Variants in KMO observed in about 807,000 individuals in gnomAD.
KMO encodes the protein kynurenine 3-monooxygenase.
A neutral mutation model predicts 57.8 loss-of-function variants in KMO; 24 were observed. The observed-to-expected ratio is 0.42, with a 90% confidence interval of 0.30 to 0.58. The LOEUF (loss-of-function observed/expected upper bound fraction) is 0.58, where lower values mean the gene tolerates loss of function less well. KMO is among the 20% of genes least tolerant of loss of function. KMO has a pLI of 0.22. For synonymous variants in KMO, 210 were observed against 193.6 expected (o/e 1.08, Z -0.70); for missense variants, 483 against 588.2 (o/e 0.82, Z 1.85).
intron 10 of KMO, among the ~76,000 whole-genome samples, chr1:241,583,213 A>G (rs887320223): frequency 6.6e-6 from 1 of 151,774 alleles, no homozygotes; most frequent in African/African-American, 2.4e-5. Context: ...TCCTGTGGCC[A>G]CCACAGCTGG....
At chr1:241,556,656 G>A (rs1661636708) in intron 5 of KMO, among the ~76,000 whole-genome samples, 1 of 152,096 alleles carries the variant, frequency 6.6e-6, no homozygotes, top group South Asian at 2.1e-4. Flanking sequence ...GAGGCAGGCG[G>A]ATCACAAGGT....
In KMO at chr1:241,544,311, T is replaced by A. The variant is rs141761080; in HGVS notation, c.55-4518T>A. On this transcript the variant is annotated intron_variant, in intron 1 of 14. Transcript: ENST00000366559. Reference sequence around the variant, plus strand: ...TTGTGGTTAACGGTAAAAACCGTGATTCCTTTTGCACCAATCTAATAAATG... The same window carrying A: ...TTGTGGTTAACGGTAAAAACCGTGAATCCTTTTGCACCAATCTAATAAATG... Among the ~76,000 whole-genome samples, 445 of 152,326 alleles carry A rather than the reference T, an allele frequency of 2.9e-3. 3 individuals carry two copies. Among genetic ancestry groups the A allele is most frequent in the African/African-American group, 0.01 (427 of 41,586 alleles).
intron 10 of KMO, among the ~76,000 whole-genome samples, chr1:241,580,903 T>C (rs1662723897): frequency 6.6e-6 from 1 of 151,270 alleles, no homozygotes; most frequent in South Asian, 2.1e-4. Flanking sequence ...GTCTTGATGA[T>C]CTGTCCAAAG....
At chr1:241,558,869 T>A (rs575455555) in intron 5 of KMO, among the ~76,000 whole-genome samples, 2 of 151,936 alleles carry the variant, frequency 1.3e-5, no homozygotes, top group East Asian at 3.9e-4. Context: ...TCCCAGCACT[T>A]TGGGAGGCCG....
chr1:241,564,825 G>T (rs1009951931), intron 7 of KMO, among the ~76,000 whole-genome samples, 162 bp from the exon 8 acceptor site: 1 of 152,054 alleles, frequency 6.6e-6, no homozygotes, highest in African/African-American at 2.4e-5. Flanking sequence ...AGAACACAAA[G>T]TGTTTTCTAA....
At chr1:241,551,378 A>G (rs999908795) in intron 4 of KMO, among the ~76,000 whole-genome samples, 6 of 152,190 alleles carry the variant, frequency 3.9e-5, no homozygotes, top group African/African-American at 1.4e-4. Context: ...TTTGTCGTCA[A>G]GCATAATGTA....
intron 1 of KMO, among the ~76,000 whole-genome samples, chr1:241,543,579 C>T (rs556095184): frequency 6.6e-6 from 1 of 152,274 alleles, no homozygotes; most frequent in African/African-American, 2.4e-5. Context: ...CTACACTGAA[C>T]AACCTGGCAC....
intron 10 of KMO, among the ~76,000 whole-genome samples, chr1:241,578,561 A>C (rs1036567891): frequency 3.3e-5 from 5 of 152,162 alleles, no homozygotes; most frequent in African/African-American, 7.2e-5. Context: ...CCTGCCCTTA[A>C]GTCTTCCAGC....
intron 4 of KMO, among the ~76,000 whole-genome samples, chr1:241,551,531 A>G (rs1428485783): frequency 6.6e-6 from 1 of 152,210 alleles, no homozygotes; most frequent in Non-Finnish European, 1.5e-5. Flanking sequence ...CAGAGGCCAG[A>G]TGAAGATGGA....
chr1:241,593,280 A>G lies in KMO; in HGVS notation c.*1127A>G, dbSNP rs1031794271. 4 of 370,106 alleles carry G rather than the reference A, an allele frequency of 1.1e-5. No homozygotes were observed. The highest frequency in any genetic ancestry group is 8.3e-5 in the African/African-American group (4 of 48,456). The allele number at this position is 370,106 out of a possible 1,614,324, so 22.9% of individuals were successfully genotyped here. A position where few individuals can be genotyped will look rare whatever the true frequency, so the allele number is the denominator to read the frequency against. ...ATTTACTAATTTATTCTTCGACTAC[A>G]TACTGCAGCAGAACCAGCAATACAC... On this transcript the variant is annotated 3_prime_UTR_variant, in exon 15 of 15. Transcript: ENST00000366559.
intron 10 of KMO, among the ~76,000 whole-genome samples, chr1:241,571,912 G>A (rs550989335): frequency 7.2e-6 from 1 of 138,378 alleles, no homozygotes; most frequent in Admixed American, 8.0e-5. Flanking sequence ...CTGTTGCCAG[G>A]CTGGAGTGCA....
intron 10 of KMO, among the ~76,000 whole-genome samples, chr1:241,583,934 C>A (rs1000664875): frequency 6.6e-6 from 1 of 151,930 alleles, no homozygotes; most frequent in Non-Finnish European, 1.5e-5. Flanking sequence ...GTAACATTAG[C>A]CTCAAAGAAA....
At chr1:241,552,175 T>TGTGA (rs1406663728) in intron 4 of KMO, among the ~76,000 whole-genome samples, 1 of 110,976 alleles carries the variant, frequency 9.0e-6, no homozygotes, top group Non-Finnish European at 2.0e-5. Flanking sequence ...TGAGTGTGTG[T>TGTGA]GAGAGAGAGA....
intron 1 of KMO, among the ~76,000 whole-genome samples, chr1:241,539,389 A>AAAAAAAAAAAAAAAAAAC (rs920402236): frequency 4.0e-5 from 6 of 150,448 alleles, no homozygotes; most frequent in Non-Finnish European, 8.9e-5. Flanking sequence ...GTCTCAAAAA[A>AAAAAAAAAAAAAAAAAAC]ATTCCAGAAA....
chr1:241,567,820 C>G (rs1343792299), intron 9 of KMO, among the ~76,000 whole-genome samples: 1 of 152,232 alleles, frequency 6.6e-6, no homozygotes, highest in Non-Finnish European at 1.5e-5. Flanking sequence ...TACTTTCAAA[C>G]TGGTTTCATG....
At position 241,593,332 on chromosome 1, in the gene KMO, A is replaced by G; in HGVS notation, c.*1179A>G. The G allele has an allele frequency of 2.4e-6, 1 of 422,218 alleles. No individual in the cohort carries two copies. The highest frequency in any genetic ancestry group is 1.7e-5 in the South Asian group (1 of 57,230). 26.2% of individuals were successfully genotyped at this position (422,218 alleles called of 1,614,324 possible). ...TGATTTTTAAAAGCACATTTAGTGA[A>G]ATGTTTTCTTTGGTTCATCCTTCTT... On this transcript the variant is annotated 3_prime_UTR_variant, in exon 15 of 15. Coordinates refer to ENST00000366559, the MANE Select transcript of KMO (RefSeq NM_003679.5).
intron 1 of KMO, among the ~76,000 whole-genome samples, chr1:241,537,228 C>T (rs762652473): frequency 1.3e-5 from 2 of 152,110 alleles, no homozygotes; most frequent in African/African-American, 2.4e-5. Context: ...CACACTTTCT[C>T]GCTCACAGAT....
rs146709450 is a variant in KMO at position 241,542,722 on chromosome 1, T to A, written c.55-6107T>A. Among the ~76,000 whole-genome samples, 398 of 152,334 alleles carry A rather than the reference T, an allele frequency of 2.6e-3. 1 individual carries two copies. Among genetic ancestry groups the A allele is most frequent in the African/African-American group, 8.9e-3 (371 of 41,588 alleles). ...CTCCTGTGCTGTCCTCCTTCACTAT[T>A]TATGCTCAGGAACCCAGCTGTGCCT... On this transcript the variant is annotated intron_variant, in intron 1 of 14. Transcript: ENST00000366559.
At chr1:241,574,317 TG>T (rs1662420097) in intron 10 of KMO, among the ~76,000 whole-genome samples, 6 of 152,110 alleles carry the variant, frequency 3.9e-5, no homozygotes, top group Admixed American at 3.9e-4. Flanking sequence ...TGAATAAAAG[TG>T]ATGAAAATGG....
Sources: gnomAD v4.1 joint callset for allele counts (sites outside exome capture counted in the v4.1 genomes callset) on GRCh38, gnomAD v4.1.1 for gene constraint, MANE v1.5 for transcripts, NCBI Gene and HGNC (gene_info 2026-07-23, HGNC 2026-07-21) for gene names.